The following AMTN variants were observed in gnomAD, a reference collection of about 807,000 sequenced individuals.
AMTN encodes the protein RSTI689.
In AMTN, 29 loss-of-function variants were observed where a neutral mutation model predicts 27.4. That is an observed-to-expected ratio of 1.06 (90% CI 0.79 to 1.44). The LOEUF (loss-of-function observed/expected upper bound fraction) is 1.44, where lower values mean the gene tolerates loss of function less well. Among genes scored for constraint, AMTN ranks in the 40% most tolerant of loss-of-function variants. The probability of loss-of-function intolerance (pLI) is 0.00; values close to 1 mark genes in which losing one functional copy is unlikely to be tolerated. For synonymous variants in AMTN, 86 were observed against 95.7 expected, an observed-to-expected ratio of 0.90 and a Z score of 0.59; for missense variants, 247 against 248.8, an observed-to-expected ratio of 0.99 and a Z score of 0.05.
At chr4:70,531,401 G>C in intron 8 of AMTN, 101 bp downstream of exon 8, 1 of 1,472,156 alleles carries the variant, frequency 6.8e-7, no homozygotes, top group Non-Finnish European at 9.2e-7. Flanking sequence ...GCAGATCTTA[G>C]TAAGATTAGG....
intron 7 of AMTN, 87 bp downstream of exon 7, chr4:70,529,297 T>A: frequency 1.0e-6 from 1 of 994,608 alleles, no homozygotes; most frequent in South Asian, 2.2e-5. Flanking sequence ...TGACCATAAA[T>A]CCTAAATATG....
intron 7 of AMTN, among the ~76,000 whole-genome samples, chr4:70,529,521 G>C (rs1398223629): frequency 6.6e-6 from 1 of 152,100 alleles, no homozygotes; most frequent in Non-Finnish European, 1.5e-5. Flanking sequence ...ATAAACTATT[G>C]AAATGTATGC....
Position 70,518,776 on chromosome 4 carries a change from A to G in AMTN, c.-2A>G, listed in dbSNP as rs577344349. 15 of 1,600,882 alleles carry G rather than the reference A, an allele frequency of 9.4e-6. No individual in the cohort carries two copies. The highest frequency in any genetic ancestry group is 7.7e-5 in the South Asian group (7 of 90,784). ...TTGTTGTTGTAGGTAGCAATCTGAA[A>G]CATGAGGAGTACGATTCTACTGTTT... On this transcript the variant is annotated 5_prime_UTR_variant, in exon 2 of 9. Transcript: ENST00000339336.
At chr4:70,520,622 A>G (rs909355509) in intron 2 of AMTN, among the ~76,000 whole-genome samples, 23 of 152,250 alleles carry the variant, frequency 1.5e-4, no homozygotes, top group Non-Finnish European at 4.4e-5. Flanking sequence ...GGATCATTGA[A>G]TAAACCACAG....
At position 70,518,645 on chromosome 4, in the gene AMTN, G is replaced by T; in HGVS notation, c.-25G>T. On this transcript the variant is annotated 5_prime_UTR_variant, in exon 1 of 9. Coordinates refer to ENST00000339336, the MANE Select transcript of AMTN (RefSeq NM_212557.4). ...TTGAGTATTGTACATTTTGCCTCGT[G>T]GACCCAAAGGTAACATTAATTGACC... is the stretch of plus-strand genomic sequence containing the variant. 1.4e-6 allele frequency: 1 copy of T among 717,172 alleles called. No homozygotes were observed. The highest frequency in any genetic ancestry group is 1.7e-5 in the South Asian group (1 of 57,836). 44.4% of individuals were successfully genotyped at this position (717,172 alleles called of 1,614,324 possible). A position where few individuals can be genotyped will look rare whatever the true frequency, so the allele number is the denominator to read the frequency against.
intron 5 of AMTN, among the ~76,000 whole-genome samples, chr4:70,527,950 C>A (rs1371167253): frequency 6.6e-6 from 1 of 152,140 alleles, no homozygotes; most frequent in Non-Finnish European, 1.5e-5. Flanking sequence ...GCAATATTCC[C>A]TATAATTGCT....
At chr4:70,519,907 T>C (rs1577930820) in intron 2 of AMTN, among the ~76,000 whole-genome samples, 1 of 141,178 alleles carries the variant, frequency 7.1e-6, no homozygotes, top group East Asian at 2.0e-4. Flanking sequence ...AAATACATAC[T>C]ACATACGTGT....
At chr4:70,521,108 G>A (rs554493213) in intron 2 of AMTN, among the ~76,000 whole-genome samples, 116 of 152,270 alleles carry the variant, frequency 7.6e-4, no homozygotes, top group Admixed American at 2.2e-3. Flanking sequence ...GGCCAGGCAC[G>A]GTGGCTAACG....
chr4:70,524,792 C>T lies in AMTN; in HGVS notation c.205-80C>T, dbSNP rs1019764395. ...AACTCCTTCCTTTAAATATATTTTACGTTTAGTAAAAACATTTTAGTTTCC... is the reference window on the plus strand; with the variant it reads ...AACTCCTTCCTTTAAATATATTTTATGTTTAGTAAAAACATTTTAGTTTCC... On this transcript the variant is annotated intron_variant, in intron 4 of 8. Coordinates refer to ENST00000339336, the MANE Select transcript of AMTN (RefSeq NM_212557.4). 59 of 1,284,420 alleles carry T rather than the reference C, an allele frequency of 4.6e-5. No homozygotes were observed. In the Middle Eastern group the frequency reaches 7.3e-4, roughly 16 times the overall value. 79.6% of individuals were successfully genotyped at this position (1,284,420 alleles called of 1,614,324 possible).
In AMTN at chr4:70,524,900, G is replaced by GT; in HGVS notation, c.234dup (p.Thr79TyrfsTer67). On this transcript the variant is annotated frameshift_variant, in exon 5 of 9. Coordinates refer to ENST00000339336, the MANE Select transcript of AMTN (RefSeq NM_212557.4). LOFTEE classifies it high-confidence loss of function. ...AATCCTGCTGCAGGAATGACACCTG[G>GT]TACCCAGACCCACCCATTGACCCTG... 1.2e-6 allele frequency: 2 copies of GT among 1,613,948 alleles called. No individual in the cohort carries two copies. The highest frequency in any genetic ancestry group is 1.7e-6 in the Non-Finnish European group (2 of 1,179,950).
chr4:70,518,783 G>A lies in AMTN; in HGVS notation c.6G>A (p.Arg2=). The A allele has an allele frequency of 1.2e-6, 2 of 1,605,038 alleles. No individual in the cohort carries two copies. The highest frequency in any genetic ancestry group is 1.7e-6 in the Non-Finnish European group (2 of 1,172,188). M[R]STILLFCLLG... ...TGTAGGTAGCAATCTGAAACATGAGGAGTACGATTCTACTGTTTTGTCTTC... is the reference window on the plus strand; with the variant it reads ...TGTAGGTAGCAATCTGAAACATGAGAAGTACGATTCTACTGTTTTGTCTTC... The change falls in exon 2 of 9, where the codon AGG becomes AGA. Residue 2 remains arginine, a synonymous_variant. Transcript: ENST00000339336.
At chr4:70,525,430 T>C (rs1736081402) in intron 5 of AMTN, among the ~76,000 whole-genome samples, 2 of 152,190 alleles carry the variant, frequency 1.3e-5, no homozygotes, top group African/African-American at 4.8e-5. Context: ...GACTTTTCAG[T>C]ATTTACCACC....
chr4:70,523,959 A>G, intron 4 of AMTN, 26 bp downstream of exon 4: 1 of 1,581,600 alleles, frequency 6.3e-7, no homozygotes, highest in Non-Finnish European at 8.7e-7. Context: ...TATTATTTTA[A>G]TACCCATTGT....
chr4:70,529,922 T>C (rs752950598), intron 7 of AMTN, among the ~76,000 whole-genome samples: 4 of 152,180 alleles, frequency 2.6e-5, no homozygotes, highest in East Asian at 1.9e-4. Flanking sequence ...TTTGCCAACA[T>C]TGATGCATGA....
At chr4:70,519,520 A>C (rs903668577) in intron 2 of AMTN, among the ~76,000 whole-genome samples, 16 of 152,030 alleles carry the variant, frequency 1.1e-4, no homozygotes, top group African/African-American at 3.9e-4. Context: ...AATAAAAGAA[A>C]GCATACTTAG....
At chr4:70,521,837 C>T (rs186126849) in intron 2 of AMTN, among the ~76,000 whole-genome samples, 3,071 of 151,996 alleles carry the variant, frequency 0.02, 57 homozygotes, top group Non-Finnish European at 0.031. Flanking sequence ...CCAGGCTGGT[C>T]CTGAACTCCT....
rs151041998 is a variant in AMTN, at chr4:70,524,899, G to A, written c.232G>A (p.Gly78Ser). 15,408 of 1,613,946 alleles carry A rather than the reference G, an allele frequency of 9.5e-3. 107 individuals are homozygous for A. The highest frequency in any genetic ancestry group is 0.011 in the Non-Finnish European group (13,242 of 1,179,930). ...LLNPAAGMTP[G>S]TQTHPLTLGG... ...AAATCCTGCTGCAGGAATGACACCT[G>A]GTACCCAGACCCACCCATTGACCCT... The change falls in exon 5 of 9, where the codon GGT becomes AGT. Residue 78 changes from glycine (G) to serine (S), a missense_variant. Physicochemically the swap from Gly to Ser is moderately conservative, Grantham distance 56 (BLOSUM62 0). Coordinates refer to ENST00000339336, the MANE Select transcript of AMTN (RefSeq NM_212557.4).
rs148464481 is a variant in AMTN, at chr4:70,531,349, G to T, written c.619+49G>T. On this transcript the variant is annotated intron_variant, in intron 8 of 8. Coordinates refer to ENST00000339336, the MANE Select transcript of AMTN (RefSeq NM_212557.4). ...TGCTTCTTGGCTATAAAAGTCATCT[G>T]CAGAATGGAAAAGAGGAGTTCTTTG... is the stretch of plus-strand genomic sequence containing the variant. The T allele has an allele frequency of 8.9e-4, 1,421 of 1,604,602 alleles. 14 individuals are homozygous for T. In the African/African-American group the frequency reaches 0.017, roughly 19 times the overall value.
intron 6 of AMTN, 105 bp from the exon 7 acceptor site, chr4:70,529,078 TG>T: frequency 9.3e-7 from 1 of 1,074,066 alleles, no homozygotes; most frequent in Middle Eastern, 2.8e-4. Flanking sequence ...AGGCAAAATC[TG>T]TATAATCTTT....
Sources: allele counts gnomAD v4.1 joint callset (sites outside exome capture counted in the v4.1 genomes callset), GRCh38; gene constraint gnomAD v4.1.1; transcripts MANE v1.5; gene names NCBI Gene and HGNC (gene_info 2026-07-23, HGNC 2026-07-21).